The following RNU1-2 variants were observed in gnomAD, a reference collection of about 807,000 sequenced individuals.
RNU1-2 encodes the protein RNA, U1 small nuclear 2.
At chr1:16,896,100 G>C (rs1183808612) in exon 1 of RNU1-2, 1 of 159,254 alleles carries the variant, frequency 6.3e-6, no homozygotes, top group African/African-American at 2.4e-5. Context: ...AAACTCGACT[G>C]CATAATTTGT....
chr1:16,895,996 G>C (rs572414113), exon 1 of RNU1-2: 11 of 512,334 alleles, frequency 2.1e-5, no homozygotes, highest in Non-Finnish European at 2.3e-5. Flanking sequence ...ACCTGGCAGG[G>C]GAGATACCAT....
At chr1:16,896,090 A>G (rs1264191360) in exon 1 of RNU1-2, 2 of 162,042 alleles carry the variant, frequency 1.2e-5, no homozygotes, top group African/African-American at 4.8e-5. Context: ...CAAATGTGGG[A>G]AACTCGACTG....
At chr1:16,896,087 G>T (rs1290474912) in exon 1 of RNU1-2, 1 of 164,710 alleles carries the variant, frequency 6.1e-6, no homozygotes, top group Non-Finnish European at 1.3e-5. Flanking sequence ...CCCCAAATGT[G>T]GGAAACTCGA....
exon 1 of RNU1-2, chr1:16,896,121 GA>G (rs1277779863): frequency 6.9e-6 from 1 of 145,450 alleles, no homozygotes; most frequent in Non-Finnish European, 1.5e-5. Flanking sequence ...GGTAGTGGGG[GA>G]CTGCGTTCGC....
chr1:16,896,046 T>A (rs2075157706), exon 1 of RNU1-2: 1 of 226,052 alleles, frequency 4.4e-6, no homozygotes, highest in Non-Finnish European at 7.5e-6. Flanking sequence ...GCTTATCCAT[T>A]GCACTCCGGA....
At chr1:16,896,042 C>T (rs1250436932) in exon 1 of RNU1-2, 14 of 230,918 alleles carry the variant, frequency 6.1e-5, no homozygotes, top group South Asian at 1.5e-4. Context: ...CGAGGCTTAT[C>T]CATTGCACTC....
exon 1 of RNU1-2, chr1:16,896,124 T>A (rs2075159083): frequency 7.3e-6 from 1 of 137,530 alleles, no homozygotes; most frequent in Non-Finnish European, 1.6e-5. Flanking sequence ...AGTGGGGGAC[T>A]GCGTTCGCGC....
chr1:16,896,082 A>G (rs1387128001), exon 1 of RNU1-2: 4 of 168,396 alleles, frequency 2.4e-5, no homozygotes, highest in Non-Finnish European at 4.8e-5. Flanking sequence ...GATTTCCCCA[A>G]ATGTGGGAAA....
rs1411437586 is a variant in RNU1-2 at position 16,896,112 on chromosome 1, G to C, written n.133G>C. 1.9e-5 allele frequency: 3 copies of C among 154,912 alleles called. No individual in the cohort carries two copies. The East Asian group carries it at 5.8e-4, about 30-fold the overall frequency. 9.6% of individuals were successfully genotyped at this position (154,912 alleles called of 1,614,324 possible). A position where few individuals can be genotyped will look rare whatever the true frequency, so the allele number is the denominator to read the frequency against. Reference sequence around the variant, plus strand: ...GGGAAACTCGACTGCATAATTTGTGGTAGTGGGGGACTGCGTTCGCGCTTT... The same window carrying C: ...GGGAAACTCGACTGCATAATTTGTGCTAGTGGGGGACTGCGTTCGCGCTTT... On this transcript the variant is annotated non_coding_transcript_exon_variant, in exon 1 of 1. Transcript: ENST00000384278.
chr1:16,896,104 A>T (rs537324018), exon 1 of RNU1-2: 3 of 157,282 alleles, frequency 1.9e-5, no homozygotes, highest in East Asian at 3.8e-4. Context: ...TCGACTGCAT[A>T]ATTTGTGGTA....
chr1:16,896,131 G>C (rs1233090415), exon 1 of RNU1-2: 1 of 114,464 alleles, frequency 8.7e-6, no homozygotes, highest in African/African-American at 3.0e-5. Context: ...GACTGCGTTC[G>C]CGCTTTCCCC....
exon 1 of RNU1-2, chr1:16,896,080 C>CT (rs2075158248): frequency 5.9e-6 from 1 of 170,078 alleles, no homozygotes; most frequent in Admixed American, 6.6e-5. Context: ...GCGATTTCCC[C>CT]AAATGTGGGA....
exon 1 of RNU1-2, chr1:16,896,086 T>C (rs1226745925): frequency 6.0e-6 from 1 of 165,570 alleles, no homozygotes; most frequent in Admixed American, 6.6e-5. Flanking sequence ...TCCCCAAATG[T>C]GGGAAACTCG....
chr1:16,896,045 T>G (rs1376231415), exon 1 of RNU1-2: 1 of 229,136 alleles, frequency 4.4e-6, no homozygotes, highest in African/African-American at 2.3e-5. Context: ...GGCTTATCCA[T>G]TGCACTCCGG....
exon 1 of RNU1-2, chr1:16,896,115 G>GA (rs2075158797): frequency 6.6e-6 from 1 of 150,458 alleles, no homozygotes; most frequent in South Asian, 2.2e-4. Flanking sequence ...ATTTGTGGTA[G>GA]TGGGGGACTG....
exon 1 of RNU1-2, chr1:16,896,089 G>C (rs1244177931): frequency 1.2e-5 from 2 of 162,724 alleles, no homozygotes; most frequent in African/African-American, 4.8e-5. Flanking sequence ...CCAAATGTGG[G>C]AAACTCGACT....
exon 1 of RNU1-2, chr1:16,896,114 A>T (rs1374407911): frequency 6.6e-6 from 1 of 151,968 alleles, no homozygotes; most frequent in African/African-American, 2.4e-5. Context: ...AATTTGTGGT[A>T]GTGGGGGACT....
chr1:16,896,048 C>A (rs1172735507), exon 1 of RNU1-2: 1 of 220,544 alleles, frequency 4.5e-6, no homozygotes, highest in Non-Finnish European at 7.7e-6. Context: ...TTATCCATTG[C>A]ACTCCGGATG....
chr1:16,896,116 TG>T (rs1270345156), exon 1 of RNU1-2: 1 of 149,690 alleles, frequency 6.7e-6, no homozygotes, highest in African/African-American at 2.5e-5. Flanking sequence ...TTTGTGGTAG[TG>T]GGGGACTGCG....
Sources: allele counts gnomAD v4.1 joint callset, GRCh38; gene constraint gnomAD v4.1.1; transcripts MANE v1.5; gene names NCBI Gene and HGNC (gene_info 2026-07-23, HGNC 2026-07-21).